The following NOS1AP variants were observed in gnomAD, a reference collection of about 807,000 sequenced individuals.
NOS1AP encodes the protein nitric oxide synthase 1 adaptor protein.
A neutral mutation model predicts 56.2 loss-of-function variants in NOS1AP; 21 were observed. That is an observed-to-expected ratio of 0.37 (90% confidence interval 0.26 to 0.54). NOS1AP has a LOEUF of 0.54. Among genes scored for constraint, NOS1AP ranks in the 20% least tolerant of loss-of-function variants. The pLI is 0.84. For missense variants in NOS1AP, 522 were observed against 657.8 expected, an observed-to-expected ratio of 0.79 and a Z score of 2.26; for synonymous variants, 270 against 274.6, an observed-to-expected ratio of 0.98 and a Z score of 0.17.
chr1:162,159,720 T>G (rs950207955), intron 2 of NOS1AP, among the ~76,000 whole-genome samples: 15 of 152,186 alleles, frequency 9.9e-5, no homozygotes, highest in African/African-American at 1.4e-4. Context: ...AAACATTTGT[T>G]GAGTGACTGA....
chr1:162,312,197 C>G (rs1219878443), intron 4 of NOS1AP, among the ~76,000 whole-genome samples: 32 of 146,082 alleles, frequency 2.2e-4, no homozygotes, highest in African/African-American at 7.0e-4. Context: ...ACAGTCCCAC[C>G]AACAGTGTAA....
At chr1:162,091,519 A>C (rs1211130047) in intron 1 of NOS1AP, among the ~76,000 whole-genome samples, 1 of 152,210 alleles carries the variant, frequency 6.6e-6, no homozygotes, top group Admixed American at 6.5e-5. Flanking sequence ...GGAAGACTCA[A>C]TAAATATATT....
At position 162,294,087 on chromosome 1, in the gene NOS1AP, A is replaced by G. The variant is rs146781127; in HGVS notation, c.271-6546A>G. ...CGCCTGTGGGAGAAAAGGGGGAAGCATCTGAGAAAGGCTGGGAGGACTGTC... is the reference window on the plus strand; with the variant it reads ...CGCCTGTGGGAGAAAAGGGGGAAGCGTCTGAGAAAGGCTGGGAGGACTGTC... On this transcript the variant is annotated intron_variant, in intron 3 of 9. Coordinates refer to ENST00000361897, the MANE Select transcript of NOS1AP (RefSeq NM_014697.3). Among the ~76,000 whole-genome samples, 144 of 152,206 alleles carry G rather than the reference A, an allele frequency of 9.5e-4. 1 individual carries two copies. Among genetic ancestry groups the G allele is most frequent in the African/African-American group, 3.4e-3 (140 of 41,526 alleles).
chr1:162,188,822 G>A lies in NOS1AP; in HGVS notation c.177+34346G>A, dbSNP rs865893190. Among the ~76,000 whole-genome samples the A allele has an allele frequency of 1.3e-5, 2 of 152,214 alleles. No homozygotes were observed. The highest frequency in any genetic ancestry group is 2.9e-5 in the Non-Finnish European group (2 of 68,046). On this transcript the variant is annotated intron_variant, in intron 2 of 9. Transcript: ENST00000361897. This position sits in a 1 kb window ranked among gnomAD's most constrained non-coding sequence, Gnocchi z 4.0. ...TAATCCCAGCACTTTCGGAGGCCGA[G>A]GCGGGCGGATCACGAGATCAGGAGT...
chr1:162,213,336 A>G (rs1476921292), intron 2 of NOS1AP, among the ~76,000 whole-genome samples: 1 of 152,126 alleles, frequency 6.6e-6, no homozygotes, highest in Non-Finnish European at 1.5e-5. Flanking sequence ...CTAGCCTTTA[A>G]TCCAGTGGTG....
chr1:162,348,843 A>G (rs1322817758), intron 6 of NOS1AP, among the ~76,000 whole-genome samples: 1 of 152,214 alleles, frequency 6.6e-6, no homozygotes, highest in Non-Finnish European at 1.5e-5. Context: ...ATGGGCCTAT[A>G]TGGCAGAATT....
chr1:162,362,801 T>C (rs761397795), intron 8 of NOS1AP, among the ~76,000 whole-genome samples: 1 of 152,240 alleles, frequency 6.6e-6, no homozygotes, highest in African/African-American at 2.4e-5. Context: ...TAGAACCAAA[T>C]AGATTTGGGG....
chr1:162,304,990 G>A (rs1412178017), intron 4 of NOS1AP, among the ~76,000 whole-genome samples: 3 of 151,828 alleles, frequency 2.0e-5, no homozygotes, highest in East Asian at 1.9e-4. Flanking sequence ...AATTGTTTGT[G>A]GCTTTATGAA....
chr1:162,070,072 C>T lies in NOS1AP; in HGVS notation c.-106C>T. 1 of 895,358 alleles carries T rather than the reference C, an allele frequency of 1.1e-6. No homozygotes were observed. Among genetic ancestry groups the T allele is most frequent in the East Asian group, 2.9e-5 (1 of 34,212 alleles). The allele number at this position is 895,358 out of a possible 1,614,324, so 55.5% of individuals were successfully genotyped here. A position where few individuals can be genotyped will look rare whatever the true frequency, so the allele number is the denominator to read the frequency against. ...CTCCCCCTGCCCAGCGCTCCCAGGC[C>T]CCGCCACGCGTCGCCGCGCCCAGCT... On this transcript the variant is annotated 5_prime_UTR_variant, in exon 1 of 10. Transcript: ENST00000361897.
chr1:162,287,672 C>G (rs943607577), intron 3 of NOS1AP, among the ~76,000 whole-genome samples: 13 of 152,072 alleles, frequency 8.5e-5, no homozygotes, highest in African/African-American at 2.9e-4. Flanking sequence ...ATGGGAGTCA[C>G]CTCCTGTCAT....
rs563834666 is a variant in NOS1AP, at chr1:162,076,759, C to T, written c.105+6477C>T. Among the ~76,000 whole-genome samples, 27 of 152,308 alleles carry T rather than the reference C, an allele frequency of 1.8e-4. No homozygotes were observed. The East Asian group carries it at 3.5e-3, about 20-fold the overall frequency. On this transcript the variant is annotated intron_variant, in intron 1 of 9. Coordinates refer to ENST00000361897, the MANE Select transcript of NOS1AP (RefSeq NM_014697.3). ...ACACACCTGTAATCCTTACCCCCTG[C>T]GTCTTCCCAGACCTGAACAGCCACT...
chr1:162,292,071 A>G (rs1655298455), intron 3 of NOS1AP, among the ~76,000 whole-genome samples: 1 of 152,228 alleles, frequency 6.6e-6, no homozygotes, highest in Admixed American at 6.5e-5. Context: ...CATTCTAAAA[A>G]GGCTCCATCA....
chr1:162,135,794 T>C (rs1341694835), intron 1 of NOS1AP, among the ~76,000 whole-genome samples: 1 of 152,234 alleles, frequency 6.6e-6, no homozygotes, highest in African/African-American at 2.4e-5. Context: ...TTTGTGCATG[T>C]AGTGGACCAC....
chr1:162,211,186 A>G (rs773410379), intron 2 of NOS1AP, among the ~76,000 whole-genome samples: 1 of 152,240 alleles, frequency 6.6e-6, no homozygotes, highest in Non-Finnish European at 1.5e-5. Flanking sequence ...CTCAGCTGCC[A>G]TAACAAAATA....
intron 1 of NOS1AP, among the ~76,000 whole-genome samples, chr1:162,093,601 C>T (rs1571004061): frequency 6.6e-6 from 1 of 152,104 alleles, no homozygotes; most frequent in Non-Finnish European, 1.5e-5. Flanking sequence ...GTTGCCCAGG[C>T]TGGAGTGGTG....
intron 2 of NOS1AP, among the ~76,000 whole-genome samples, chr1:162,168,697 T>TCC (rs1650622465): frequency 6.6e-6 from 1 of 152,222 alleles, no homozygotes; most frequent in Non-Finnish European, 1.5e-5. Flanking sequence ...CTCTCTTTCT[T>TCC]TCTTCCTCCT....
At chr1:162,215,337 G>T (rs773280089) in intron 2 of NOS1AP, among the ~76,000 whole-genome samples, 9 of 152,252 alleles carry the variant, frequency 5.9e-5, no homozygotes, top group Non-Finnish European at 1.2e-4. Flanking sequence ...TTAGAAACTG[G>T]CTTGCTGGGT....
chr1:162,274,341 C>T (rs1243507392), intron 2 of NOS1AP, among the ~76,000 whole-genome samples: 4 of 152,074 alleles, frequency 2.6e-5, no homozygotes, highest in South Asian at 2.1e-4. Context: ...CTTACAGAGA[C>T]GGTCCAGTGG....
At chr1:162,323,290 T>C (rs566578388) in intron 4 of NOS1AP, among the ~76,000 whole-genome samples, 3 of 152,214 alleles carry the variant, frequency 2.0e-5, no homozygotes, top group Non-Finnish European at 4.4e-5. Flanking sequence ...CTAGGAGAGA[T>C]GTGGAATAGA....
Sources: gnomAD v4.1 joint callset for allele counts (sites outside exome capture counted in the v4.1 genomes callset) on GRCh38, gnomAD v4.1.1 for gene constraint, Gnocchi (gnomAD v3.1) non-coding constraint, MANE v1.5 for transcripts, NCBI Gene and HGNC (gene_info 2026-07-23, HGNC 2026-07-21) for gene names.